Variants in GRK4 observed in about 807,000 individuals in gnomAD.
GRK4 encodes G protein-coupled receptor kinase 4.
Under a neutral mutation model 77.9 loss-of-function variants are expected in GRK4, and 73 were observed. The observed-to-expected ratio is 0.94, with a 90% CI of 0.78 to 1.14. The LOEUF (loss-of-function observed/expected upper bound fraction) is 1.14, where lower values mean the gene tolerates loss of function less well. Ranked by LOEUF, GRK4 falls within the 50% of genes most tolerant of loss-of-function variation. GRK4 has a pLI of 0.00. For synonymous variants in GRK4, 257 were observed against 254.4 expected (o/e 1.01, Z -0.10); for missense variants, 729 against 700.2 (o/e 1.04, Z -0.46).
chr4:2,965,259 A>C, intron 1 of GRK4: 1 of 703,030 alleles, frequency 1.4e-6, no homozygotes. Flanking sequence ...GCATCCCGCC[A>C]CAAAAGCATC....
chr4:2,967,883 C>G (rs370137123), intron 1 of GRK4, among the ~76,000 whole-genome samples: 5 of 151,418 alleles, frequency 3.3e-5, no homozygotes, highest in African/African-American at 1.2e-4. Flanking sequence ...CTCTGCCTCC[C>G]GGGTTCAAGA....
chr4:3,009,779 GCT>G (rs1436803256), intron 7 of GRK4, 68 bp downstream of exon 7: 9 of 1,167,008 alleles, frequency 7.7e-6, no homozygotes, highest in Non-Finnish European at 1.0e-5. Context: ...TGAGAACATG[GCT>G]TCAGGTAATG....
intron 1 of GRK4, among the ~76,000 whole-genome samples, 163 bp downstream of exon 1, chr4:2,964,285 C>T (rs1442465964): frequency 6.6e-6 from 1 of 152,078 alleles, no homozygotes; most frequent in Non-Finnish European, 1.5e-5. Flanking sequence ...GGAGCCGGAG[C>T]CGGGGTCTGT....
intron 1 of GRK4, among the ~76,000 whole-genome samples, chr4:2,973,079 G>A (rs569590965): frequency 2.2e-4 from 34 of 152,258 alleles, no homozygotes; most frequent in African/African-American, 7.7e-4. Flanking sequence ...TTAGATGCTG[G>A]GTGCTGAGTC....
intron 1 of GRK4, among the ~76,000 whole-genome samples, chr4:2,971,448 T>C (rs1388425085): frequency 6.6e-6 from 1 of 152,166 alleles, no homozygotes; most frequent in African/African-American, 2.4e-5. Flanking sequence ...TGTTGTGGCC[T>C]ATAGTAGGTT....
chr4:3,011,450 A>C (rs1732890049), intron 7 of GRK4, among the ~76,000 whole-genome samples: 1 of 152,216 alleles, frequency 6.6e-6, no homozygotes, highest in Admixed American at 6.5e-5. Flanking sequence ...TACATTAAAA[A>C]AGAAGATAAG....
chr4:3,006,287 G>A (rs1027372143), intron 5 of GRK4, among the ~76,000 whole-genome samples: 1 of 151,596 alleles, frequency 6.6e-6, no homozygotes, highest in Non-Finnish European at 1.5e-5. Context: ...GGCTGAGGCG[G>A]GAGAATCGCC....
chr4:3,029,221 G>GAAA lies in GRK4; in HGVS notation c.1083_1085dup (p.Lys362dup). On this transcript the variant is annotated inframe_insertion, in exon 12 of 16. Transcript: ENST00000398052. Reference sequence around the variant, plus strand: ...TGTAGCACCTGAAGTTGTCAATAATGAAAAGTATACGTTTAGTCCCGATTG... The same window carrying GAAA: ...TGTAGCACCTGAAGTTGTCAATAATGAAAAAAAGTATACGTTTAGTCCCGATTG... 1 of 1,612,778 alleles carries GAAA rather than the reference G, an allele frequency of 6.2e-7. No individual in the cohort carries two copies. Among genetic ancestry groups the GAAA allele is most frequent in the Non-Finnish European group, 8.5e-7 (1 of 1,179,042 alleles).
At chr4:2,966,920 T>A (rs1004341789) in intron 1 of GRK4, 2 of 152,244 alleles carry the variant, frequency 1.3e-5, no homozygotes, top group Non-Finnish European at 2.9e-5. Context: ...CCTGCTATGG[T>A]CTGAATATTT....
chr4:2,982,898 G>T (rs1441435136), intron 1 of GRK4, among the ~76,000 whole-genome samples: 1 of 152,198 alleles, frequency 6.6e-6, no homozygotes, highest in Non-Finnish European at 1.5e-5. Context: ...GCATTGGCAG[G>T]TGGTTGTTAC....
chr4:2,986,806 G>A (rs1442843971), intron 2 of GRK4: 3 of 335,882 alleles, frequency 8.9e-6, no homozygotes, highest in Non-Finnish European at 1.8e-5. Flanking sequence ...CTTTCCTTTA[G>A]TACTATTGTA....
intron 12 of GRK4, 147 bp downstream of exon 12, chr4:3,029,556 C>G (rs1338346680): frequency 3.0e-6 from 2 of 663,846 alleles, no homozygotes; most frequent in Non-Finnish European, 5.2e-6. Flanking sequence ...GCCCCTGCAG[C>G]CCAGTAGGGA....
intron 1 of GRK4, among the ~76,000 whole-genome samples, chr4:2,980,246 G>A (rs148648478): frequency 6.8e-4 from 104 of 152,272 alleles, no homozygotes; most frequent in Middle Eastern, 3.4e-3. Flanking sequence ...GGGCTGCCAT[G>A]GCCACCCAGC....
intron 4 of GRK4, among the ~76,000 whole-genome samples, chr4:2,993,871 G>A (rs1013933238): frequency 1.3e-5 from 2 of 152,194 alleles, no homozygotes; most frequent in Admixed American, 6.5e-5. Context: ...AACATGTGGA[G>A]AATGGAATTA....
chr4:2,976,337 T>C (rs1297020342), intron 1 of GRK4, among the ~76,000 whole-genome samples: 1 of 151,936 alleles, frequency 6.6e-6, no homozygotes, highest in African/African-American at 2.4e-5. Flanking sequence ...GCTCCAGTGA[T>C]CCTCCCACCT....
At chr4:3,009,186 G>C (rs1370395061) in intron 6 of GRK4, among the ~76,000 whole-genome samples, 1 of 152,144 alleles carries the variant, frequency 6.6e-6, no homozygotes, top group Non-Finnish European at 1.5e-5. Context: ...ACTTTGGGAG[G>C]CTGAGGCGGG....
chr4:3,035,210 A>C (rs959482912), intron 12 of GRK4, among the ~76,000 whole-genome samples, 176 bp from the exon 13 acceptor site: 2 of 151,624 alleles, frequency 1.3e-5, no homozygotes, highest in East Asian at 3.8e-4. Context: ...GCACCACTGC[A>C]CTCCAGCCTG....
intron 4 of GRK4, among the ~76,000 whole-genome samples, chr4:3,001,492 G>A (rs1283852037): frequency 6.6e-6 from 1 of 151,152 alleles, no homozygotes; most frequent in Admixed American, 6.6e-5. Context: ...TCAGCCTCCT[G>A]AGTAGCTGAG....
At chr4:3,019,266 C>T (rs1408806696) in intron 8 of GRK4, among the ~76,000 whole-genome samples, 1 of 152,220 alleles carries the variant, frequency 6.6e-6, no homozygotes, top group East Asian at 1.9e-4. Flanking sequence ...CACAGTAAGA[C>T]CTCTCTTGCA....
Sources: gnomAD v4.1 joint callset for allele counts (sites outside exome capture counted in the v4.1 genomes callset) on GRCh38, gnomAD v4.1.1 for gene constraint, MANE v1.5 for transcripts, NCBI Gene and HGNC (gene_info 2026-07-23, HGNC 2026-07-21) for gene names.